DMD: variants seen among roughly 807,000 people sequenced by gnomAD.
DMD encodes dystrophin, also known as mutant dystrophin.
Under a neutral mutation model 330.1 loss-of-function variants are expected in DMD, and 63 were observed. The observed-to-expected ratio is 0.19, with a 90% CI of 0.16 to 0.24. The LOEUF (loss-of-function observed/expected upper bound fraction) is 0.24. DMD is among the 10% of genes least tolerant of loss of function. The pLI is 1.00. For missense variants in DMD, 3,344 were observed against 2,684.1 expected, an observed-to-expected ratio of 1.25 and a Z score of -5.43; for synonymous variants, 1,223 against 959.8, an observed-to-expected ratio of 1.27 and a Z score of -5.07.
At chrX:32,062,067 A>C (rs2096229321) in intron 44 of DMD, among the ~76,000 whole-genome samples, 1 of 110,954 alleles carries the variant, frequency 9.0e-6, no homozygotes, top group Non-Finnish European at 1.9e-5. Context: ...TCAGTTTTAA[A>C]ATCTCCTGGA....
chrX:32,666,082 AAG>A (rs1305271519), intron 9 of DMD, among the ~76,000 whole-genome samples: 1 of 111,083 alleles, frequency 9.0e-6, no homozygotes, highest in Non-Finnish European at 1.9e-5. Context: ...GAAGTAGGGA[AAG>A]AGGGGGAGAT....
At chrX:32,630,805 C>G (rs112979499) in intron 11 of DMD, among the ~76,000 whole-genome samples, 2 of 112,112 alleles carry the variant, frequency 1.8e-5, no homozygotes, top group African/African-American at 6.5e-5. Flanking sequence ...ACATATCTGT[C>G]TCTCCAAGAT....
chrX:32,120,967 C>G (rs146132286), intron 44 of DMD, among the ~76,000 whole-genome samples: 1 of 112,293 alleles, frequency 8.9e-6, no homozygotes, highest in Non-Finnish European at 1.9e-5. Flanking sequence ...CAATTGCAAC[C>G]TGATTGAGGC....
chrX:31,757,562 T>C (rs1382967078), intron 51 of DMD, among the ~76,000 whole-genome samples: 3 of 111,390 alleles, frequency 2.7e-5, no homozygotes, highest in East Asian at 5.7e-4. Flanking sequence ...AGCAGATTCA[T>C]TGTCTGGTGA....
chrX:32,514,005 C>A (rs748857496), intron 18 of DMD, among the ~76,000 whole-genome samples: 1 of 111,219 alleles, frequency 9.0e-6, no homozygotes. Context: ...AGATAAGGCA[C>A]GTTAAGTATT....
intron 1 of DMD, among the ~76,000 whole-genome samples, chrX:33,280,158 T>G (rs1425649606): frequency 1.8e-5 from 2 of 110,905 alleles, no homozygotes; most frequent in Non-Finnish European, 3.8e-5. Context: ...AATTTTTGTA[T>G]TTTTACTAGA....
intron 9 of DMD, among the ~76,000 whole-genome samples, chrX:32,687,926 T>A (rs1440232656): frequency 1.8e-5 from 2 of 110,787 alleles, no homozygotes; most frequent in Non-Finnish European, 3.8e-5. Flanking sequence ...GTAACACGAA[T>A]TCTTACTTCC....
intron 30 of DMD, among the ~76,000 whole-genome samples, chrX:32,410,672 A>G (rs1230517385): frequency 1.8e-5 from 2 of 111,890 alleles, no homozygotes; most frequent in Middle Eastern, 4.3e-3. Context: ...ACATGTATAT[A>G]AGATTTGAAA....
At chrX:32,782,759 A>G (rs1196641227) in intron 7 of DMD, among the ~76,000 whole-genome samples, 2 of 109,909 alleles carry the variant, frequency 1.8e-5, no homozygotes, top group Non-Finnish European at 3.8e-5. Context: ...CAAGAGTGTA[A>G]TTAGTTTATA....
At chrX:31,494,205 G>A (rs1303633732) in intron 57 of DMD, among the ~76,000 whole-genome samples, 1 of 108,499 alleles carries the variant, frequency 9.2e-6, no homozygotes, top group Non-Finnish European at 1.9e-5. Flanking sequence ...GGTAGTGGAA[G>A]GCTGAAGGCT....
intron 44 of DMD, among the ~76,000 whole-genome samples, chrX:32,167,741 T>C (rs1218457707): frequency 8.9e-6 from 1 of 111,900 alleles, no homozygotes; most frequent in East Asian, 2.8e-4. Context: ...ACGAAGGCCT[T>C]TAATGTTTGT....
Position 31,733,144 on chromosome X carries a change from C to A in DMD, c.7543-3396G>T, listed in dbSNP as rs192624797. On this transcript the variant is annotated intron_variant, in intron 51 of 78. Coordinates refer to ENST00000357033, the MANE Select transcript of DMD (RefSeq NM_004006.3). ...GAGCAAAGATGGAGGAAAAAAAATT[C>A]TTCAAATACAAAGTGAATCAGAAGT... 5.4e-4 allele frequency among the ~76,000 whole-genome samples: 60 copies of A among 111,364 alleles called. No individual in the cohort carries two copies. In the Admixed American group the frequency reaches 5.7e-3, roughly 10 times the overall value.
chrX:32,527,912 G>A (rs964822755), intron 17 of DMD, among the ~76,000 whole-genome samples: 28 of 111,753 alleles, frequency 2.5e-4, no homozygotes, highest in Admixed American at 2.4e-3. Flanking sequence ...GGGGAAGATA[G>A]GGCCACATGA....
At chrX:32,783,149 CAT>C (rs772674193) in intron 7 of DMD, among the ~76,000 whole-genome samples, 227 of 93,096 alleles carry the variant, frequency 2.4e-3, no homozygotes, top group South Asian at 0.017. Context: ...ATATATATAC[CAT>C]ATATATAGAT....
chrX:31,188,128 C>A (rs1176709017), intron 67 of DMD, among the ~76,000 whole-genome samples: 1 of 112,182 alleles, frequency 8.9e-6, no homozygotes, highest in African/African-American at 3.2e-5. Context: ...TTTAAAACTG[C>A]TCACCTACGC....
intron 44 of DMD, among the ~76,000 whole-genome samples, chrX:32,117,718 A>G (rs1271476463): frequency 1.8e-5 from 2 of 112,384 alleles, no homozygotes; most frequent in African/African-American, 6.5e-5. Flanking sequence ...CTCCCAAATC[A>G]GAGAGGAAGC....
intron 44 of DMD, among the ~76,000 whole-genome samples, chrX:32,207,622 C>T (rs145653660): frequency 1.8e-5 from 2 of 111,911 alleles, no homozygotes; most frequent in South Asian, 3.7e-4. Flanking sequence ...AATTATCTTG[C>T]GTGGTCATGT....
intron 1 of DMD, among the ~76,000 whole-genome samples, chrX:33,028,414 T>C (rs1027576624): frequency 2.7e-5 from 3 of 112,081 alleles, no homozygotes; most frequent in African/African-American, 9.7e-5. Flanking sequence ...CAGGCTAGAT[T>C]ATTCAGAATG....
At chrX:31,839,103 G>A (rs769745755) in intron 48 of DMD, among the ~76,000 whole-genome samples, 3 of 111,662 alleles carry the variant, frequency 2.7e-5, no homozygotes, top group Middle Eastern at 4.6e-3. Flanking sequence ...TGCAACAGTC[G>A]TCATTCCCAT....
Sources: allele counts gnomAD v4.1 joint callset (sites outside exome capture counted in the v4.1 genomes callset), GRCh38; gene constraint gnomAD v4.1.1; transcripts MANE v1.5; gene names NCBI Gene and HGNC (gene_info 2026-07-23, HGNC 2026-07-21).